Variants in PARVB observed in about 807,000 individuals in gnomAD.
The protein encoded by PARVB is beta-parvin.
A neutral mutation model predicts 47.0 loss-of-function variants in PARVB; 46 were observed. That is an observed-to-expected ratio of 0.98 (90% CI 0.77 to 1.25). PARVB has a LOEUF of 1.25. Ranked by LOEUF, PARVB falls within the 50% of genes most tolerant of loss-of-function variation. PARVB has a pLI of 0.00. For missense variants in PARVB, 473 were observed against 471.6 expected (o/e 1.00, Z -0.03); for synonymous variants, 196 against 196.3 (o/e 1.00, Z 0.01).
intron 1 of PARVB, among the ~76,000 whole-genome samples, chr22:44,035,109 A>C (rs1329224817): frequency 6.6e-6 from 1 of 152,184 alleles, no homozygotes; most frequent in Non-Finnish European, 1.5e-5. Context: ...AATATTTTGT[A>C]TGTTCTATGC....
intron 1 of PARVB, among the ~76,000 whole-genome samples, chr22:44,042,516 C>A (rs941905945): frequency 2.6e-5 from 4 of 152,194 alleles, no homozygotes; most frequent in Non-Finnish European, 5.9e-5. Flanking sequence ...AGAGATGGGA[C>A]GAGAAGACAC....
rs1323417863 is a variant in PARVB, at chr22:44,089,231, T to A, written c.113-4697T>A. On this transcript the variant is annotated intron_variant, in intron 1 of 12. Coordinates refer to ENST00000338758, the MANE Select transcript of PARVB (RefSeq NM_013327.5). The surrounding 1 kb of genome is among the most constrained non-coding windows in gnomAD (Gnocchi z 4.0). ...GCGGTGGGAACGAGTTGGCATCGAC[T>A]CCCTCGTGGCTGGCTGCTGGGTTTC... 3.3e-5 allele frequency: 5 copies of A among 152,334 alleles called. No individual in the cohort carries two copies. In the East Asian group the frequency reaches 9.6e-4, roughly 29 times the overall value. The allele number at this position is 152,334 out of a possible 1,614,324, so 9.4% of individuals were successfully genotyped here.
At chr22:44,063,942 A>G (rs1329276694) in intron 1 of PARVB, among the ~76,000 whole-genome samples, 1 of 152,142 alleles carries the variant, frequency 6.6e-6, no homozygotes, top group Non-Finnish European at 1.5e-5. Context: ...TCTCGGGGCC[A>G]GGTGTTCCGT....
At chr22:44,008,433 G>A (rs972917645) in intron 2 of PARVB, among the ~76,000 whole-genome samples, 2 of 152,124 alleles carry the variant, frequency 1.3e-5, no homozygotes, top group African/African-American at 4.8e-5. Context: ...TTATGATTGA[G>A]TGAATATACC....
intron 1 of PARVB, chr22:44,069,245 ATTTTGTTTTGC>A: frequency 2.3e-6 from 3 of 1,329,554 alleles, no homozygotes; most frequent in Non-Finnish European, 3.2e-6. Flanking sequence ...TTATGGCAGA[ATTTTGTTTTGC>A]AAGAATGGAC....
intron 1 of PARVB, among the ~76,000 whole-genome samples, chr22:44,026,872 T>A (rs1367436820): frequency 1.3e-5 from 2 of 151,984 alleles, no homozygotes; most frequent in African/African-American, 2.4e-5. Context: ...TCGGTGAGGT[T>A]CCAGATTCAG....
rs133905 is a variant in PARVB, at chr22:44,125,395, C to T, written c.377-6092C>T. On this transcript the variant is annotated intron_variant, in intron 4 of 12. Coordinates refer to ENST00000338758, the MANE Select transcript of PARVB (RefSeq NM_013327.5). This position sits in a 1 kb window ranked among gnomAD's most constrained non-coding sequence, Gnocchi z 4.1. The stretch of plus-strand genomic sequence containing the variant: ...GTATTATGGGGTGGAGTGGTTCAAC[C>T]TGAAACCTAGATGATGTTTTAAAGG... Among the ~76,000 whole-genome samples the T allele has an allele frequency of 0.087, 13,267 of 152,134 alleles. 853 individuals carry two copies. The highest frequency in any genetic ancestry group is 0.2 in the Middle Eastern group (58 of 294).
intron 10 of PARVB, 74 bp from the exon 11 acceptor site, chr22:44,157,908 C>A (rs1190798164): frequency 9.9e-7 from 1 of 1,009,786 alleles, no homozygotes; most frequent in Non-Finnish European, 1.6e-6. Context: ...AAAAAATATG[C>A]CCCCCTTAAG....
chr22:44,078,074 G>A (rs553681691), intron 1 of PARVB, among the ~76,000 whole-genome samples: 102 of 152,306 alleles, frequency 6.7e-4, no homozygotes, highest in African/African-American at 2.4e-3. Flanking sequence ...TTGCAGAGCC[G>A]TGTGGTGGAA....
upstream of PARVB, among the ~76,000 whole-genome samples, chr22:44,021,409 G>A (rs1345149506): frequency 6.6e-6 from 1 of 152,106 alleles, no homozygotes; most frequent in East Asian, 1.9e-4. Context: ...CAGGTGAAAG[G>A]AGGGAAGGAG....
intron 3 of PARVB, among the ~76,000 whole-genome samples, chr22:44,117,107 A>T (rs2052923598): frequency 1.3e-5 from 2 of 151,676 alleles, no homozygotes; most frequent in Non-Finnish European, 2.9e-5. Flanking sequence ...CCTGTTAGAG[A>T]TGCTCACGGA....
intron 1 of PARVB, among the ~76,000 whole-genome samples, chr22:44,082,940 G>A (rs1312019634): frequency 2.0e-5 from 3 of 152,102 alleles, no homozygotes; most frequent in Admixed American, 6.5e-5. Flanking sequence ...CTTCCATCTC[G>A]GGGTGGTCTG....
At chr22:44,013,119 A>G (rs1235706669) in intron 2 of PARVB, among the ~76,000 whole-genome samples, 1 of 151,942 alleles carries the variant, frequency 6.6e-6, no homozygotes, top group Non-Finnish European at 1.5e-5. Context: ...GCTGATCTCA[A>G]ACTCTTGACT....
chr22:44,123,491 G>A (rs2053117790), intron 4 of PARVB, among the ~76,000 whole-genome samples: 1 of 152,194 alleles, frequency 6.6e-6, no homozygotes. Flanking sequence ...ATGGCTCACT[G>A]CAGCTTCCAC....
chr22:44,143,481 G>A (rs1427458278), intron 8 of PARVB: 1 of 152,374 alleles, frequency 6.6e-6, no homozygotes, highest in Non-Finnish European at 1.5e-5. Flanking sequence ...CGCAGCTGGG[G>A]GCAGATGTTT....
chr22:44,125,972 G>A lies in PARVB; in HGVS notation c.377-5515G>A, dbSNP rs1199725466. Among the ~76,000 whole-genome samples the A allele has an allele frequency of 6.6e-6, 1 of 152,196 alleles. No homozygotes were observed. Among genetic ancestry groups the A allele is most frequent in the Non-Finnish European group, 1.5e-5 (1 of 68,042 alleles). On this transcript the variant is annotated intron_variant, in intron 4 of 12. Transcript: ENST00000338758. This position sits in a 1 kb window ranked among gnomAD's most constrained non-coding sequence, Gnocchi z 4.1. The stretch of plus-strand genomic sequence containing the variant: ...CATAGGAACCAAGACTGATGGCCAG[G>A]TTTGTGGCTTGAGCAACTGGTAAAT...
rs185631018 is a variant in PARVB at position 44,068,385 on chromosome 22, G to A, written c.113-25543G>A. Among the ~76,000 whole-genome samples, 7 of 152,172 alleles carry A rather than the reference G, an allele frequency of 4.6e-5. No individual in the cohort carries two copies. Among genetic ancestry groups the A allele is most frequent in the African/African-American group, 1.7e-4 (7 of 41,430 alleles). On this transcript the variant is annotated intron_variant, in intron 1 of 12. Transcript: ENST00000338758. This position sits in a 1 kb window ranked among gnomAD's most constrained non-coding sequence, Gnocchi z 4.1. ...GGGCCTGGTGTTATAAACCAGGAGAGGGTTCAGGCCGAGGAAAGGGGGAGC... is the reference window on the plus strand; with the variant it reads ...GGGCCTGGTGTTATAAACCAGGAGAAGGTTCAGGCCGAGGAAAGGGGGAGC...
chr22:44,119,395 TC>T lies in PARVB; in HGVS notation c.376+258del, dbSNP rs1449119695. Among the ~76,000 whole-genome samples, 4 of 152,162 alleles carry T rather than the reference TC, an allele frequency of 2.6e-5. No individual in the cohort carries two copies. The East Asian group carries it at 7.7e-4, about 29-fold the overall frequency. On this transcript the variant is annotated intron_variant, in intron 4 of 12. Transcript: ENST00000338758. ...GACAGCTTCCAAAACTGCCTGCGGC[TC>T]CCATCCTGTTGGGTCTCAGGCCCAC...
chr22:44,116,624 G>C (rs559112967), intron 3 of PARVB, among the ~76,000 whole-genome samples: 1 of 152,212 alleles, frequency 6.6e-6, no homozygotes, highest in Non-Finnish European at 1.5e-5. Flanking sequence ...CAGACAAGCC[G>C]GTCATAGCTT....
Sources: allele counts gnomAD v4.1 joint callset (sites outside exome capture counted in the v4.1 genomes callset), GRCh38; gene constraint gnomAD v4.1.1; non-coding constraint Gnocchi (gnomAD v3.1); transcripts MANE v1.5; gene names NCBI Gene and HGNC (gene_info 2026-07-23, HGNC 2026-07-21).